Variants in LOXL2 observed in about 807,000 individuals in gnomAD.
The protein encoded by LOXL2 is lysyl oxidase homolog 2.
In LOXL2, 70 loss-of-function variants were observed where a neutral mutation model predicts 93.0. The ratio of observed to expected loss-of-function variants is 0.75; its 90% CI spans 0.62 to 0.92. The LOEUF is 0.92. Ranked by LOEUF, LOXL2 falls within the 40% of genes least tolerant of loss-of-function variation. LOXL2 has a pLI of 0.00. For missense variants in LOXL2, 973 were observed against 1,054.9 expected, an observed-to-expected ratio of 0.92 and a Z score of 1.08; for synonymous variants, 438 against 413.2, an observed-to-expected ratio of 1.06 and a Z score of -0.73.
intron 3 of LOXL2, among the ~76,000 whole-genome samples, chr8:23,345,675 G>A (rs1458698476): frequency 6.6e-6 from 1 of 151,964 alleles, no homozygotes; most frequent in East Asian, 1.9e-4. Context: ...TTTGCCCCAG[G>A]AGTTCAGCCC....
chr8:23,394,026 T>C (rs185485083), intron 1 of LOXL2, among the ~76,000 whole-genome samples: 2 of 152,252 alleles, frequency 1.3e-5, no homozygotes, highest in East Asian at 3.9e-4. Flanking sequence ...GAGAAAATAT[T>C]TGTAAATCAT....
chr8:23,365,028 G>A (rs1487971010), intron 2 of LOXL2: 1 of 152,256 alleles, frequency 6.6e-6, no homozygotes, highest in Non-Finnish European at 1.5e-5. Flanking sequence ...TTGAGAATCA[G>A]GACAGCTGCT....
chr8:23,302,183 G>C lies in LOXL2; in HGVS notation c.1997-20C>G, dbSNP rs929865932. The C allele has an allele frequency of 6.2e-7, 1 of 1,613,250 alleles. No individual in the cohort carries two copies. The highest frequency in any genetic ancestry group is 8.5e-7 in the Non-Finnish European group (1 of 1,179,300). ...GGATGTCTGCGGGCAGGGTAGAGGA[G>C]AGCTCATCACCAGGGAACCATGGCC... On this transcript the variant is annotated intron_variant, in intron 11 of 13. Transcript: ENST00000389131.
chr8:23,354,551 C>T (rs1024058650), intron 3 of LOXL2, among the ~76,000 whole-genome samples: 3 of 151,510 alleles, frequency 2.0e-5, no homozygotes, highest in Admixed American at 6.6e-5. Context: ...AGAGAGAACC[C>T]AAGCACACAA....
chr8:23,379,777 G>C (rs1243836152), intron 1 of LOXL2, among the ~76,000 whole-genome samples: 1 of 152,190 alleles, frequency 6.6e-6, no homozygotes, highest in Non-Finnish European at 1.5e-5. Context: ...TGTTTGCTAA[G>C]ACCATTGGAA....
Position 23,346,116 on chromosome 8 carries a change from T to TAAAA in LOXL2, c.532-4914_532-4913insTTTT, listed in dbSNP as rs1563197384. Among the ~76,000 whole-genome samples, 9 of 23,794 alleles carry TAAAA rather than the reference T, an allele frequency of 3.8e-4. No homozygotes were observed. The East Asian group carries it at 4.1e-3, about 11-fold the overall frequency. 15.6% of individuals were successfully genotyped at this position (23,794 alleles called of 152,430 possible). Reference sequence around the variant, plus strand: ...TAAAATAAAATAAAATAAAATAAAATTAAAATAAAATAAAATAAAATAAAA... The same window carrying TAAAA: ...TAAAATAAAATAAAATAAAATAAAATAAAATAAAATAAAATAAAATAAAATAAAA... On this transcript the variant is annotated intron_variant, in intron 3 of 13. Coordinates refer to ENST00000389131, the MANE Select transcript of LOXL2 (RefSeq NM_002318.3).
At chr8:23,302,502 G>GT (rs1230693047) in intron 11 of LOXL2, among the ~76,000 whole-genome samples, 7 of 151,922 alleles carry the variant, frequency 4.6e-5, no homozygotes, top group African/African-American at 1.7e-4. Context: ...TTAGCAAAAC[G>GT]TGGGGGGTCA....
At chr8:23,314,832 GA>G in intron 9 of LOXL2, among the ~76,000 whole-genome samples, 1 of 149,380 alleles carries the variant, frequency 6.7e-6, no homozygotes, top group African/African-American at 2.5e-5. Context: ...AACGAAAAAA[GA>G]AAAAAATAAA....
intron 4 of LOXL2, among the ~76,000 whole-genome samples, chr8:23,334,128 T>C (rs1803750923): frequency 6.6e-6 from 1 of 152,136 alleles, no homozygotes; most frequent in African/African-American, 2.4e-5. Flanking sequence ...AACCTCTGCC[T>C]CCCAGATTCA....
At chr8:23,339,706 T>A (rs1349705471) in intron 4 of LOXL2, among the ~76,000 whole-genome samples, 2 of 151,134 alleles carry the variant, frequency 1.3e-5, no homozygotes, top group Non-Finnish European at 2.9e-5. Flanking sequence ...AAGGAAGGAG[T>A]CGGGTGGGAG....
intron 3 of LOXL2, among the ~76,000 whole-genome samples, chr8:23,358,406 C>T (rs1047341390): frequency 6.6e-6 from 1 of 152,230 alleles, no homozygotes; most frequent in African/African-American, 2.4e-5. Context: ...GTAAAGGCCA[C>T]AGTCTTGGGA....
At chr8:23,323,549 G>A (rs1475257037) in intron 6 of LOXL2, among the ~76,000 whole-genome samples, 1 of 152,228 alleles carries the variant, frequency 6.6e-6, no homozygotes, top group Non-Finnish European at 1.5e-5. Context: ...TTGCTCAAGC[G>A]GCAGTGAGCT....
At chr8:23,386,977 A>C (rs73226417) in intron 1 of LOXL2, among the ~76,000 whole-genome samples, 18,511 of 152,148 alleles carry the variant, frequency 0.12, 1,366 homozygotes, top group Admixed American at 0.17. Context: ...GTTCAAACCT[A>C]GTTTGAGTGA....
chr8:23,341,404 T>C (rs969421984), intron 3 of LOXL2: 5 of 594,748 alleles, frequency 8.4e-6, no homozygotes, highest in East Asian at 2.9e-5. Context: ...GCATGGGAGA[T>C]AGTGAGGCTG....
chr8:23,328,623 C>T lies in LOXL2; in HGVS notation c.967-58G>A. On this transcript the variant is annotated intron_variant, in intron 5 of 13. Transcript: ENST00000389131. ...CGCTGATGCACGTTCAGCGGGTGAC[C>T]ACTGTCCCCGCCCCCTCCCTTCCCT... The T allele has an allele frequency of 2.6e-6, 4 of 1,533,366 alleles. No homozygotes were observed. In the South Asian group the frequency reaches 4.5e-5, roughly 17 times the overall value. The allele number at this position is 1,533,366 out of a possible 1,614,324, so 95.0% of individuals were successfully genotyped here. A position where few individuals can be genotyped will look rare whatever the true frequency, so the allele number is the denominator to read the frequency against.
intron 9 of LOXL2, among the ~76,000 whole-genome samples, chr8:23,313,111 T>A (rs1451893497): frequency 6.6e-6 from 1 of 151,948 alleles, no homozygotes; most frequent in Non-Finnish European, 1.5e-5. Context: ...AAGGACCTCT[T>A]CAAGGAGAAC....
At chr8:23,322,345 A>G in intron 6 of LOXL2, 64 bp from the exon 7 acceptor site, 2 of 1,483,044 alleles carry the variant, frequency 1.3e-6, no homozygotes, top group Non-Finnish European at 1.9e-6. Context: ...GAGTGGCAAG[A>G]AAGCCCTGGA....
intron 6 of LOXL2, among the ~76,000 whole-genome samples, chr8:23,323,079 A>G (rs1169551235): frequency 2.0e-5 from 3 of 152,228 alleles, no homozygotes; most frequent in Admixed American, 6.5e-5. Context: ...AGATCAACCA[A>G]TATTATCAGG....
At position 23,402,401 on chromosome 8, in the gene LOXL2, G is replaced by T. The variant is rs1371235092; in HGVS notation, c.-84+1553C>A. Among the ~76,000 whole-genome samples, 3 of 152,244 alleles carry T rather than the reference G, an allele frequency of 2.0e-5. No individual in the cohort carries two copies. In the East Asian group the frequency reaches 5.8e-4, roughly 29 times the overall value. ...TGGTAGCCACTGGGGCCCATGGGGA[G>T]CACGCATCTTGTCATGGCTCTGGTG... is the stretch of plus-strand genomic sequence containing the variant. On this transcript the variant is annotated intron_variant, in intron 1 of 13. Transcript: ENST00000389131.
Sources: allele counts gnomAD v4.1 joint callset (sites outside exome capture counted in the v4.1 genomes callset), GRCh38; gene constraint gnomAD v4.1.1; transcripts MANE v1.5; gene names NCBI Gene and HGNC (gene_info 2026-07-23, HGNC 2026-07-21).